ZFPM2: variants seen among roughly 807,000 people sequenced by gnomAD.
ZFPM2 encodes the protein zinc finger protein ZFPM2.
ZFPM2 carries 20 observed loss-of-function variants against 98.6 expected under a neutral mutation model. The observed-to-expected ratio is 0.20, with a 90% CI of 0.14 to 0.29. ZFPM2 has a LOEUF of 0.29. ZFPM2 is among the 10% of genes least tolerant of loss of function. The probability of loss-of-function intolerance (pLI) is 1.00; values close to 1 mark genes in which losing one functional copy is unlikely to be tolerated. For synonymous variants in ZFPM2, 518 were observed against 502.7 expected (o/e 1.03, Z -0.41); for missense variants, 1,310 against 1,388.6 (o/e 0.94, Z 0.90).
At chr8:105,647,484 C>T (rs1457613328) in intron 5 of ZFPM2, among the ~76,000 whole-genome samples, 2 of 151,722 alleles carry the variant, frequency 1.3e-5, no homozygotes, top group Admixed American at 1.3e-4. Context: ...CCCATTAACT[C>T]ATCATTTACA....
At chr8:105,358,134 G>A (rs1812782800) in intron 1 of ZFPM2, among the ~76,000 whole-genome samples, 1 of 152,142 alleles carries the variant, frequency 6.6e-6, no homozygotes, top group Non-Finnish European at 1.5e-5. Flanking sequence ...ATTTTGTGAA[G>A]CTGTTATATC....
intron 5 of ZFPM2, among the ~76,000 whole-genome samples, chr8:105,672,346 G>C (rs1472474307): frequency 1.3e-5 from 2 of 151,222 alleles, no homozygotes; most frequent in Non-Finnish European, 3.0e-5. Flanking sequence ...AAATTATATT[G>C]GCAATTATAA....
intron 3 of ZFPM2, among the ~76,000 whole-genome samples, chr8:105,484,289 AT>A (rs10716319): frequency 0.034 from 5,237 of 151,940 alleles, 300 homozygotes; most frequent in African/African-American, 0.12. Flanking sequence ...ATCTTAATAA[AT>A]TTTTTTTAAC....
chr8:105,552,507 C>T (rs1355763156), intron 3 of ZFPM2, among the ~76,000 whole-genome samples: 4 of 152,102 alleles, frequency 2.6e-5, no homozygotes, highest in Admixed American at 2.6e-4. Flanking sequence ...AGAGTGGTGA[C>T]CTGCTCCCTC....
intron 2 of ZFPM2, among the ~76,000 whole-genome samples, chr8:105,420,028 A>G (rs1811760506): frequency 6.6e-6 from 1 of 152,042 alleles, no homozygotes; most frequent in African/African-American, 2.4e-5. Context: ...TTGTTTTGCA[A>G]GTCTTTTATC....
intron 1 of ZFPM2, among the ~76,000 whole-genome samples, chr8:105,407,643 A>G (rs1811488978): frequency 6.6e-6 from 1 of 151,830 alleles, no homozygotes; most frequent in African/African-American, 2.4e-5. Flanking sequence ...AGGGATGTGC[A>G]TTTTTTTCAG....
chr8:105,696,785 G>C (rs1811028011), intron 5 of ZFPM2, among the ~76,000 whole-genome samples: 1 of 152,098 alleles, frequency 6.6e-6, no homozygotes, highest in Admixed American at 6.5e-5. Context: ...ATTTCTGGCA[G>C]TTTCTGCATG....
At chr8:105,759,639 A>C (rs1023025632) in intron 5 of ZFPM2, among the ~76,000 whole-genome samples, 1 of 151,170 alleles carries the variant, frequency 6.6e-6, no homozygotes, top group African/African-American at 2.4e-5. Flanking sequence ...CATTATTCAA[A>C]TGGATAATAA....
At chr8:105,525,570 A>G (rs117176206) in intron 3 of ZFPM2, among the ~76,000 whole-genome samples, 1 of 152,290 alleles carries the variant, frequency 6.6e-6, no homozygotes, top group East Asian at 1.9e-4. Flanking sequence ...TGTCAAATCG[A>G]TAGGAATAAG....
intron 5 of ZFPM2, among the ~76,000 whole-genome samples, chr8:105,767,609 T>C (rs1812884519): frequency 6.6e-6 from 1 of 151,914 alleles, no homozygotes. Context: ...GAAAATATTA[T>C]TGTGACAGAC....
In ZFPM2 at chr8:105,474,817, A is replaced by G. The variant is rs182746304; in HGVS notation, c.301+30436A>G. Among the ~76,000 whole-genome samples, 6 of 152,030 alleles carry G rather than the reference A, an allele frequency of 3.9e-5. No homozygotes were observed. The East Asian group carries it at 1.2e-3, about 30-fold the overall frequency. On this transcript the variant is annotated intron_variant, in intron 3 of 7. Coordinates refer to ENST00000407775, the MANE Select transcript of ZFPM2 (RefSeq NM_012082.4). ...GGAGACTGTGGCTTTAAAAATATCC[A>G]TCATAGATGAATTCTCCTTTTCTCA... is the stretch of plus-strand genomic sequence containing the variant.
chr8:105,725,849 C>A (rs1811796683), intron 5 of ZFPM2, among the ~76,000 whole-genome samples: 1 of 151,614 alleles, frequency 6.6e-6, no homozygotes, highest in African/African-American at 2.4e-5. Flanking sequence ...AGTAGGTTTT[C>A]TTTCAGTTTT....
chr8:105,688,534 C>T (rs890079505), intron 5 of ZFPM2, among the ~76,000 whole-genome samples: 11 of 151,592 alleles, frequency 7.3e-5, no homozygotes, highest in South Asian at 2.1e-4. Context: ...ATTTAATGGG[C>T]GAAAATAATT....
At chr8:105,683,734 C>T (rs1310369819) in intron 5 of ZFPM2, among the ~76,000 whole-genome samples, 1 of 152,132 alleles carries the variant, frequency 6.6e-6, no homozygotes, top group African/African-American at 2.4e-5. Flanking sequence ...CTCTAAGAAG[C>T]CGACTCAAAT....
At chr8:105,699,547 C>G (rs974812201) in intron 5 of ZFPM2, among the ~76,000 whole-genome samples, 7 of 152,078 alleles carry the variant, frequency 4.6e-5, no homozygotes, top group African/African-American at 7.2e-5. Flanking sequence ...TTTTGTTAAG[C>G]CTCTATTCTA....
intron 1 of ZFPM2, among the ~76,000 whole-genome samples, chr8:105,406,279 A>G (rs973122812): frequency 1.3e-5 from 2 of 152,010 alleles, no homozygotes; most frequent in Non-Finnish European, 2.9e-5. Flanking sequence ...TCTTTAGTTT[A>G]ATTAGATCCC....
intron 5 of ZFPM2, among the ~76,000 whole-genome samples, chr8:105,689,711 CAT>C (rs1240004702): frequency 6.6e-6 from 1 of 152,146 alleles, no homozygotes; most frequent in African/African-American, 2.4e-5. Flanking sequence ...TTGTGATAAA[CAT>C]ATTCTGCATG....
At chr8:105,603,288 A>G (rs1446707782) in intron 4 of ZFPM2, among the ~76,000 whole-genome samples, 1 of 152,120 alleles carries the variant, frequency 6.6e-6, no homozygotes, top group Non-Finnish European at 1.5e-5. Context: ...GGATACTCAA[A>G]TGTTTCGTCG....
At chr8:105,353,963 G>T (rs1238025793) in intron 1 of ZFPM2, among the ~76,000 whole-genome samples, 1 of 152,096 alleles carries the variant, frequency 6.6e-6, no homozygotes. Flanking sequence ...TTGGATTGTG[G>T]CTGTATTCTA....
Sources: gnomAD v4.1 joint callset for allele counts (sites outside exome capture counted in the v4.1 genomes callset) on GRCh38, gnomAD v4.1.1 for gene constraint, MANE v1.5 for transcripts, NCBI Gene and HGNC (gene_info 2026-07-23, HGNC 2026-07-21) for gene names.